SUPT6H: variants seen among roughly 807,000 people sequenced by gnomAD.
SUPT6H encodes SPT6 homolog, histone chaperone and transcription elongation factor.
In SUPT6H, 11 loss-of-function variants were observed where a neutral mutation model predicts 222.3. That is an observed-to-expected ratio of 0.05 (90% CI 0.03 to 0.08). The LOEUF is 0.08. Ranked by LOEUF, SUPT6H falls within the 10% of genes least tolerant of loss-of-function variation. SUPT6H has a pLI of 1.00. For missense variants in SUPT6H, 1,422 were observed against 2,216.0 expected (o/e 0.64, Z 7.19); for synonymous variants, 762 against 801.2 (o/e 0.95, Z 0.83).
chr17:28,696,538 G>A (rs1385311363), intron 29 of SUPT6H, among the ~76,000 whole-genome samples: 2 of 132,522 alleles, frequency 1.5e-5, no homozygotes, highest in South Asian at 2.6e-4. Context: ...CAGTGAGCCA[G>A]AATTGCGCCA....
chr17:28,686,984 C>A, intron 21 of SUPT6H, 104 bp from the exon 22 acceptor site: 1 of 1,524,338 alleles, frequency 6.6e-7, no homozygotes. Flanking sequence ...AAAAAAGATC[C>A]CAGAGAAGCA....
intron 1 of SUPT6H, among the ~76,000 whole-genome samples, chr17:28,668,635 G>C (rs1014324120): frequency 6.6e-6 from 1 of 152,182 alleles, no homozygotes; most frequent in Non-Finnish European, 1.5e-5. Flanking sequence ...CATCAGGTAG[G>C]CTGTGTGTTT....
intron 8 of SUPT6H, 96 bp from the exon 9 acceptor site, chr17:28,677,980 C>T (rs1210769007): frequency 1.6e-5 from 22 of 1,405,748 alleles, no homozygotes; most frequent in East Asian, 2.3e-5. Context: ...TTTTAGATTT[C>T]ATCTAGAAAG....
chr17:28,676,088 C>G, intron 6 of SUPT6H, 69 bp from the exon 7 acceptor site: 1 of 1,498,432 alleles, frequency 6.7e-7, no homozygotes. Flanking sequence ...AGTAAAGGAT[C>G]TATGCAAGGG....
intron 13 of SUPT6H, 33 bp from the exon 14 acceptor site, chr17:28,682,694 C>T (rs1411718241): frequency 6.2e-7 from 1 of 1,606,252 alleles, no homozygotes; most frequent in Admixed American, 1.7e-5. Flanking sequence ...AGCCTATCTG[C>T]TGCCTTACCC....
intron 25 of SUPT6H, 91 bp downstream of exon 25, chr17:28,689,652 C>A: frequency 1.6e-6 from 2 of 1,230,340 alleles, no homozygotes; most frequent in Non-Finnish European, 2.3e-6. Context: ...CAGAGAAAGC[C>A]TGATACTGTT....
rs772268466 is a variant in SUPT6H, at chr17:28,678,163, C to T, written c.1087C>T (p.Leu363=). The change falls in exon 9 of 37, where the codon CTG becomes TTG. Residue 363 remains leucine (L), a synonymous_variant. Transcript: ENST00000314616. ...PSTIQKIKEA[L]GFMRNQHFEV... ...CACAATTCAGAAGATCAAAGAGGCC[C>T]TGGGCTTCATGCGAAATCAGCATTT... The T allele has an allele frequency of 3.1e-6, 5 of 1,607,686 alleles. No homozygotes were observed. Among genetic ancestry groups the T allele is most frequent in the Non-Finnish European group, 4.2e-6 (5 of 1,178,508 alleles).
chr17:28,692,001 T>A (rs1230258327), intron 27 of SUPT6H, among the ~76,000 whole-genome samples: 2 of 150,972 alleles, frequency 1.3e-5, no homozygotes, highest in Non-Finnish European at 3.0e-5. Flanking sequence ...CTGGGCAACA[T>A]AGCAAGACCC....
At position 28,680,643 on chromosome 17, in the gene SUPT6H, G is replaced by GTTTTGT. The variant is rs951422971; in HGVS notation, c.1350-591_1350-586dup. Among the ~76,000 whole-genome samples, 57 of 151,880 alleles carry GTTTTGT rather than the reference G, an allele frequency of 3.8e-4. 1 individual carries two copies. The East Asian group carries it at 4.1e-3, about 11-fold the overall frequency. ...TGTTCTAGGGCTATCATGTGTCTTGGTTTTGTTTTTGTTTTTGTTTTTGTT... is the reference window on the plus strand; with the variant it reads ...TGTTCTAGGGCTATCATGTGTCTTGGTTTTGTTTTTGTTTTTGTTTTTGTTTTTGTT... On this transcript the variant is annotated intron_variant, in intron 11 of 36. Coordinates refer to ENST00000314616, the MANE Select transcript of SUPT6H (RefSeq NM_003170.5).
In SUPT6H at chr17:28,678,947, A is replaced by T. The variant is rs1216627986; in HGVS notation, c.1333A>T (p.Thr445Ser). 5 of 1,614,110 alleles carry T rather than the reference A, an allele frequency of 3.1e-6. No individual in the cohort carries two copies. The highest frequency in any genetic ancestry group is 4.2e-6 in the Non-Finnish European group (5 of 1,180,054). Reference protein sequence around the residue: ...PLADGIRALDTTDMERLKDVQ... With the variant: ...PLADGIRALDSTDMERLKDVQ... ...TGCTGATGGCATCCGGGCTCTGGACACCACTGACATGGAGAGGTAAAACAT... is the reference window on the plus strand; with the variant it reads ...TGCTGATGGCATCCGGGCTCTGGACTCCACTGACATGGAGAGGTAAAACAT... The change falls in exon 11 of 37, where the codon ACC becomes TCC. Residue 445 changes from threonine to serine, a missense_variant. By Grantham distance (58) the Thr-to-Ser change is moderately conservative. Transcript: ENST00000314616.
chr17:28,690,102 C>T lies in SUPT6H; in HGVS notation c.3363C>T (p.Ile1121=). Residue 1121 remains isoleucine (I), a synonymous_variant, in exon 26 of 37, where the codon ATC becomes ATT. Coordinates refer to ENST00000314616, the MANE Select transcript of SUPT6H (RefSeq NM_003170.5). Reference sequence around the variant, plus strand: ...CCCAGGGCTATGGTGACAAACACATCACACTCTATGACATCCGGGCAGAGC... The same window carrying T: ...CCCAGGGCTATGGTGACAAACACATTACACTCTATGACATCCGGGCAGAGC... ...LERQGYGDKH[I]TLYDIRAELS... is the part of the protein sequence containing the mutation. 6.2e-7 allele frequency: 1 copy of T among 1,612,758 alleles called. No homozygotes were observed.
rs1296699820 is a variant in SUPT6H, at chr17:28,695,492, T to C, written c.3915T>C (p.Ala1305=). The part of the protein sequence containing the change: ...LPKDTYYDFD[A]EAADHKQEED... ...AAGACACCTACTATGACTTTGATGC[T>C]GAAGCTGCAGACCACAAGCAGGAGG... Residue 1305 remains alanine (A), a synonymous_variant, in exon 29 of 37, where the codon GCT becomes GCC. Coordinates refer to ENST00000314616, the MANE Select transcript of SUPT6H (RefSeq NM_003170.5). 6.2e-7 allele frequency: 1 copy of C among 1,614,126 alleles called. No individual in the cohort carries two copies.
intron 10 of SUPT6H, 55 bp from the exon 11 acceptor site, chr17:28,678,766 C>A: frequency 6.2e-7 from 1 of 1,613,590 alleles, no homozygotes; most frequent in Non-Finnish European, 8.5e-7. Context: ...ATCAGAGCAG[C>A]CTTGAGTCTC....
At chr17:28,685,177 T>C (rs180748597) in intron 19 of SUPT6H, among the ~76,000 whole-genome samples, 1 of 152,326 alleles carries the variant, frequency 6.6e-6, no homozygotes, top group Admixed American at 6.5e-5. Flanking sequence ...GGCCAGTTCC[T>C]AGGCCTTGTG....
At position 28,684,586 on chromosome 17, in the gene SUPT6H, G is replaced by A; in HGVS notation, c.2230G>A (p.Ala744Thr). ...LAEAKEYVIK[A>T]CSRKLYNWLR... ...ATACCTGTTGTGTCTCTTCCCTCAG[G>A]CCTGTAGTCGAAAGCTCTACAATTG... The change falls in exon 18 of 37, where the codon GCC becomes ACC. Residue 744 changes from alanine (A) to threonine (T), a missense_variant and splice_region_variant. Physicochemically the swap from Ala to Thr is moderately conservative, Grantham distance 58. Coordinates refer to ENST00000314616, the MANE Select transcript of SUPT6H (RefSeq NM_003170.5). 6.2e-7 allele frequency: 1 copy of A among 1,614,038 alleles called. No individual in the cohort carries two copies. Among genetic ancestry groups the A allele is most frequent in the Non-Finnish European group, 8.5e-7 (1 of 1,180,026 alleles).
At chr17:28,687,990 G>A (rs1370362895) in intron 23 of SUPT6H, 101 bp from the exon 24 acceptor site, 2 of 1,354,758 alleles carry the variant, frequency 1.5e-6, no homozygotes, top group Middle Eastern at 1.9e-4. Context: ...TAGATACTGG[G>A]TGGGACAGAG....
In SUPT6H at chr17:28,687,222, G is replaced by T. The variant is rs199591103; in HGVS notation, c.2835G>T (p.Leu945Phe). 125 of 1,614,080 alleles carry T rather than the reference G, an allele frequency of 7.7e-5. No homozygotes were observed. The highest frequency in any genetic ancestry group is 9.8e-5 in the Non-Finnish European group (116 of 1,180,038). The change falls in exon 22 of 37, where the codon TTG (leucine) becomes TTT (phenylalanine). Residue 945 changes from leucine (L) to phenylalanine (F), a missense_variant. This residue lies in a region of SUPT6H where 294 missense variants were observed against 382.1 expected (regional missense o/e 0.77). Transcript: ENST00000314616. ...TCCTGTGTCTCAAGTTTCACCCCTT[G>T]CAGGTGAGTAGGATTTGACAGGCAG... ...EDILCLKFHP[L>F]QEHVVKEELL...
chr17:28,700,380 C>T lies in SUPT6H; in HGVS notation c.4674C>T (p.Asn1558=). 1 of 1,614,254 alleles carries T rather than the reference C, an allele frequency of 6.2e-7. No homozygotes were observed. The highest frequency in any genetic ancestry group is 1.1e-5 in the South Asian group (1 of 91,084). ...LTRAVNALPQ[N]MTSQMFSAIA... Reference sequence around the variant, plus strand: ...GGGCTGTGAATGCCCTGCCTCAGAACATGACTTCACAGATGTTCAGTGCCA... The same window carrying T: ...GGGCTGTGAATGCCCTGCCTCAGAATATGACTTCACAGATGTTCAGTGCCA... The change falls in exon 35 of 37, where the codon AAC becomes AAT. Residue 1558 remains asparagine, a synonymous_variant. Coordinates refer to ENST00000314616, the MANE Select transcript of SUPT6H (RefSeq NM_003170.5).
chr17:28,688,201 G>A lies in SUPT6H; in HGVS notation c.3117G>A (p.Thr1039=), dbSNP rs779522195. The A allele has an allele frequency of 1.5e-4, 245 of 1,613,134 alleles. No individual in the cohort carries two copies. The highest frequency in any genetic ancestry group is 2.0e-4 in the Non-Finnish European group (234 of 1,179,636). The change falls in exon 24 of 37, where the codon ACG becomes ACA. Residue 1039 remains threonine, a synonymous_variant. Transcript: ENST00000314616. The surrounding 1 kb of genome is among the most constrained non-coding windows in gnomAD (Gnocchi z 4.3). ...GTGCTGGCTTCCTCAAGATCGACAC[G>A]GCCTCCCTGGGGGACAGGTGATGCC... ...MNCAGFLKID[T]ASLGDSTDSY...
Sources: allele counts gnomAD v4.1 joint callset (sites outside exome capture counted in the v4.1 genomes callset), GRCh38; gene constraint gnomAD v4.1.1; regional missense constraint gnomAD v4.1.1; non-coding constraint Gnocchi (gnomAD v3.1); transcripts MANE v1.5; gene names NCBI Gene and HGNC (gene_info 2026-07-23, HGNC 2026-07-21).